The following KAZN variants were observed in gnomAD, a reference collection of about 807,000 sequenced individuals.
The protein encoded by KAZN is kazrin.
Under a neutral mutation model 87.4 loss-of-function variants are expected in KAZN, and 40 were observed. That is an observed-to-expected ratio of 0.46 (90% CI 0.36 to 0.60). The LOEUF (loss-of-function observed/expected upper bound fraction) is 0.60. KAZN is among the 20% of genes least tolerant of loss of function. The pLI is 0.00. For missense variants in KAZN, 898 were observed against 1,073.9 expected (o/e 0.84, Z 2.29); for synonymous variants, 466 against 458.3 (o/e 1.02, Z -0.22).
intron 1 of KAZN, among the ~76,000 whole-genome samples, chr1:14,666,476 T>C (rs1054270186): frequency 6.6e-6 from 1 of 152,176 alleles, no homozygotes; most frequent in African/African-American, 2.4e-5. Context: ...AATTAAAATA[T>C]TCATTTCCTG....
intron 1 of KAZN, among the ~76,000 whole-genome samples, chr1:14,157,866 T>C (rs1293046062): frequency 3.3e-5 from 5 of 152,120 alleles, no homozygotes; most frequent in African/African-American, 1.2e-4. Context: ...ATGTCTTACA[T>C]GGCAGGATGC....
At chr1:14,279,471 T>G (rs1426295797) in intron 2 of KAZN, among the ~76,000 whole-genome samples, 3 of 152,184 alleles carry the variant, frequency 2.0e-5, no homozygotes, top group Non-Finnish European at 4.4e-5. Flanking sequence ...AGATTCTCAC[T>G]TGGAGATGGA....
At chr1:14,142,569 C>T (rs1645263440) in intron 1 of KAZN, among the ~76,000 whole-genome samples, 2 of 152,204 alleles carry the variant, frequency 1.3e-5, no homozygotes, top group Non-Finnish European at 2.9e-5. Context: ...TTGTACATTC[C>T]TCGTATCCCT....
At chr1:14,722,196 AC>A (rs1357274515) in intron 1 of KAZN, among the ~76,000 whole-genome samples, 1 of 152,144 alleles carries the variant, frequency 6.6e-6, no homozygotes, top group Non-Finnish European at 1.5e-5. Context: ...GGATTGATCC[AC>A]ATGGACATGG....
In KAZN at chr1:14,119,216, C is replaced by T. The variant is rs372814748; in HGVS notation, c.92-61219C>T. Reference sequence around the variant, plus strand: ...TTTCACGATGAGAAGACCAGGCAGCCCATGGGTCTGTAGGGGAGCAGGCAG... The same window carrying T: ...TTTCACGATGAGAAGACCAGGCAGCTCATGGGTCTGTAGGGGAGCAGGCAG... On this transcript the variant is annotated intron_variant, in intron 1 of 16. Coordinates refer to the KAZN transcript ENST00000636203. 5.9e-5 allele frequency among the ~76,000 whole-genome samples: 9 copies of T among 152,252 alleles called. No homozygotes were observed. The South Asian group carries it at 1.0e-3, about 18-fold the overall frequency.
At chr1:14,898,697 G>A (rs1201237526) in intron 1 of KAZN, among the ~76,000 whole-genome samples, 2 of 152,206 alleles carry the variant, frequency 1.3e-5, no homozygotes, top group African/African-American at 4.8e-5. Flanking sequence ...AGTGTTACTA[G>A]TAAGTGGCAT....
At chr1:14,305,449 G>A (rs1387976133) in intron 2 of KAZN, among the ~76,000 whole-genome samples, 1 of 152,014 alleles carries the variant, frequency 6.6e-6, no homozygotes, top group African/African-American at 2.4e-5. Flanking sequence ...CCCAGAAAAG[G>A]TTGGAAAAAA....
chr1:14,216,258 A>C (rs765738004), intron 2 of KAZN, among the ~76,000 whole-genome samples: 1 of 152,196 alleles, frequency 6.6e-6, no homozygotes, highest in Non-Finnish European at 1.5e-5. Flanking sequence ...TACTCAATGG[A>C]AAGTAGCCAA....
At chr1:14,727,134 G>A (rs1202525611) in intron 1 of KAZN, among the ~76,000 whole-genome samples, 1 of 152,100 alleles carries the variant, frequency 6.6e-6, no homozygotes, top group African/African-American at 2.4e-5. Flanking sequence ...TATGGAGAGA[G>A]AAAGAATATT....
intron 1 of KAZN, among the ~76,000 whole-genome samples, chr1:14,804,614 C>T (rs545292282): frequency 4.4e-4 from 67 of 152,326 alleles, no homozygotes; most frequent in South Asian, 3.1e-3. Context: ...CCCTGACCCC[C>T]GATGTACCCA....
intron 1 of KAZN, among the ~76,000 whole-genome samples, chr1:14,875,767 A>G (rs1477054027): frequency 6.6e-6 from 1 of 152,182 alleles, no homozygotes; most frequent in African/African-American, 2.4e-5. Context: ...AACCCTCCAC[A>G]GTTGATTGTT....
rs548587305 is a variant in KAZN, at chr1:14,412,715, A to G, written c.250-186268A>G. On this transcript the variant is annotated intron_variant, in intron 2 of 16. Coordinates refer to the KAZN transcript ENST00000636203. ...TGAAAATCCCCCTAAACCAGTCTAT[A>G]AAGTTAATATAATTTTTATCAAGAA... Among the ~76,000 whole-genome samples, 195 of 152,044 alleles carry G rather than the reference A, an allele frequency of 1.3e-3. 1 individual carries two copies. The highest frequency in any genetic ancestry group is 4.5e-3 in the African/African-American group (186 of 41,564).
intron 1 of KAZN, among the ~76,000 whole-genome samples, chr1:14,774,771 C>T (rs887700232): frequency 5.9e-5 from 9 of 152,012 alleles, no homozygotes; most frequent in African/African-American, 1.7e-4. Flanking sequence ...AGGTGTAAGT[C>T]ACCATGCCCA....
At chr1:14,041,094 C>G (rs781690352) in intron 1 of KAZN, among the ~76,000 whole-genome samples, 1 of 152,174 alleles carries the variant, frequency 6.6e-6, no homozygotes, top group Non-Finnish European at 1.5e-5. Context: ...CCGCTGAATT[C>G]TTTTAGCTGT....
At chr1:13,904,910 A>G (rs915647405) in intron 1 of KAZN, among the ~76,000 whole-genome samples, 4 of 152,068 alleles carry the variant, frequency 2.6e-5, no homozygotes, top group Admixed American at 6.6e-5. Context: ...AGACTTCTCA[A>G]TTTGAACTCT....
intron 1 of KAZN, among the ~76,000 whole-genome samples, chr1:13,915,811 C>T (rs558082665): frequency 1.3e-5 from 2 of 152,356 alleles, no homozygotes; most frequent in South Asian, 4.1e-4. Flanking sequence ...TGAACACCTT[C>T]TGCATAGTCT....
chr1:14,461,449 C>T (rs558357205), intron 2 of KAZN, among the ~76,000 whole-genome samples: 29 of 152,228 alleles, frequency 1.9e-4, no homozygotes, highest in Middle Eastern at 3.4e-3. Context: ...CCATGTAAGT[C>T]GTGCCTTTCA....
At chr1:14,560,446 G>C (rs1220548180) in intron 2 of KAZN, among the ~76,000 whole-genome samples, 1 of 152,162 alleles carries the variant, frequency 6.6e-6, no homozygotes, top group Non-Finnish European at 1.5e-5. Flanking sequence ...AGGCGTGGTG[G>C]TATGTGCCTG....
chr1:14,599,317 G>A lies in KAZN; in HGVS notation c.226+94G>A, dbSNP rs1676760964. 7 of 1,221,748 alleles carry A rather than the reference G, an allele frequency of 5.7e-6. 1 individual carries two copies. In the South Asian group the frequency reaches 2.3e-4, roughly 40 times the overall value. 75.7% of individuals were successfully genotyped at this position (1,221,748 alleles called of 1,614,324 possible). A position where few individuals can be genotyped will look rare whatever the true frequency, so the allele number is the denominator to read the frequency against. The stretch of plus-strand genomic sequence containing the variant: ...GGACCCGGGGTCCCCCACACCCGGG[G>A]CGAAATCGCTTTGCATTCTGGCTTG... On this transcript the variant is annotated intron_variant, in intron 1 of 14. Coordinates refer to ENST00000376030, the MANE Select transcript of KAZN (RefSeq NM_201628.3). The surrounding 1 kb of genome is among the most constrained non-coding windows in gnomAD (Gnocchi z 4.4).
Sources: allele counts gnomAD v4.1 joint callset (sites outside exome capture counted in the v4.1 genomes callset), GRCh38; gene constraint gnomAD v4.1.1; non-coding constraint Gnocchi (gnomAD v3.1); transcripts MANE v1.5; gene names NCBI Gene and HGNC (gene_info 2026-07-23, HGNC 2026-07-21).